SEMA5A: variants seen among roughly 807,000 people sequenced by gnomAD.
The protein encoded by SEMA5A is semaphorin 5A, also known as semaphorin-5A.
SEMA5A carries 55 observed loss-of-function variants against 135.5 expected under a neutral mutation model. The ratio of observed to expected loss-of-function variants is 0.41; its 90% CI spans 0.33 to 0.51. The LOEUF (loss-of-function observed/expected upper bound fraction) is 0.51, where lower values mean the gene tolerates loss of function less well. SEMA5A is among the 20% of genes least tolerant of loss of function. SEMA5A has a pLI of 0.37. For synonymous variants in SEMA5A, 580 were observed against 546.5 expected, an observed-to-expected ratio of 1.06 and a Z score of -0.85; for missense variants, 1,290 against 1,419.9, an observed-to-expected ratio of 0.91 and a Z score of 1.47.
At chr5:9,499,255 G>A (rs1735461889) in intron 1 of SEMA5A, among the ~76,000 whole-genome samples, 1 of 152,102 alleles carries the variant, frequency 6.6e-6, no homozygotes, top group Admixed American at 6.5e-5. Flanking sequence ...AATTTTTTAA[G>A]GAAAAACATC....
chr5:9,529,173 A>T (rs1579691990), intron 1 of SEMA5A, among the ~76,000 whole-genome samples: 1 of 152,224 alleles, frequency 6.6e-6, no homozygotes, highest in South Asian at 2.1e-4. Flanking sequence ...AGGAACTGCC[A>T]CCCAACTGTG....
At chr5:9,174,263 G>A (rs1285053198) in intron 11 of SEMA5A, among the ~76,000 whole-genome samples, 7 of 152,174 alleles carry the variant, frequency 4.6e-5, no homozygotes, top group African/African-American at 1.2e-4. Context: ...GATTTGAGGC[G>A]AGTTTTTTTC....
At position 9,303,541 on chromosome 5, in the gene SEMA5A, C is replaced by T. The variant is rs368750003; in HGVS notation, c.270+14831G>A. Among the ~76,000 whole-genome samples, 240 of 152,054 alleles carry T rather than the reference C, an allele frequency of 1.6e-3. 2 individuals are homozygous for T. The highest frequency in any genetic ancestry group is 5.6e-3 in the African/African-American group (232 of 41,478). On this transcript the variant is annotated intron_variant, in intron 5 of 22. Transcript: ENST00000382496. ...CACATAGATACATGTTTCTTTGTAG[C>T]ATACATTTATGTTTCTAGGAGGTAT...
At chr5:9,314,254 T>G (rs1752293365) in intron 5 of SEMA5A, among the ~76,000 whole-genome samples, 1 of 152,010 alleles carries the variant, frequency 6.6e-6, no homozygotes, top group Non-Finnish European at 1.5e-5. Flanking sequence ...ACTTATTATC[T>G]AAAACTGTGT....
intron 4 of SEMA5A, among the ~76,000 whole-genome samples, chr5:9,325,238 C>CTT (rs10710962): frequency 4.8e-5 from 7 of 145,240 alleles, no homozygotes; most frequent in Non-Finnish European, 1.1e-4. Flanking sequence ...TATGGATCTA[C>CTT]TTTTTTTTTT....
intron 4 of SEMA5A, among the ~76,000 whole-genome samples, chr5:9,323,657 CTTTT>C (rs35243676): frequency 9.2e-6 from 1 of 108,948 alleles, no homozygotes; most frequent in Non-Finnish European, 1.9e-5. Context: ...TCTTTTTTTC[CTTTT>C]TTTTTTTTTT....
intron 5 of SEMA5A, among the ~76,000 whole-genome samples, chr5:9,243,074 T>C (rs1382584873): frequency 1.3e-5 from 2 of 152,206 alleles, no homozygotes. Context: ...TGTTCTCTAA[T>C]TGGGAGTTGA....
At chr5:9,329,370 G>A (rs1003882399) in intron 4 of SEMA5A, among the ~76,000 whole-genome samples, 1 of 152,148 alleles carries the variant, frequency 6.6e-6, no homozygotes, top group African/African-American at 2.4e-5. Context: ...TGAATGAGTG[G>A]GTGTGGCTGT....
chr5:9,359,103 A>G (rs771132485), intron 3 of SEMA5A, among the ~76,000 whole-genome samples: 3 of 151,804 alleles, frequency 2.0e-5, no homozygotes, highest in Non-Finnish European at 4.4e-5. Flanking sequence ...ACACATACAC[A>G]CTCACGGACA....
intron 2 of SEMA5A, among the ~76,000 whole-genome samples, chr5:9,406,903 A>T (rs1756907544): frequency 6.6e-6 from 1 of 152,214 alleles, no homozygotes; most frequent in Non-Finnish European, 1.5e-5. Context: ...TGGAAAATGG[A>T]AAATTAAGAG....
chr5:9,370,666 T>A (rs1228519441), intron 3 of SEMA5A, among the ~76,000 whole-genome samples: 1 of 152,184 alleles, frequency 6.6e-6, no homozygotes, highest in Non-Finnish European at 1.5e-5. Context: ...TAAATAAGAT[T>A]TGGAAACCTT....
At position 9,129,155 on chromosome 5, in the gene SEMA5A, G is replaced by A. The variant is rs145465678; in HGVS notation, c.1600-6318C>T. ...AGAAAGGCACAGGGAAATAGAGGAAGAACTTGAAATAAGTGATGGCTAATG... is the reference window on the plus strand; with the variant it reads ...AGAAAGGCACAGGGAAATAGAGGAAAAACTTGAAATAAGTGATGGCTAATG... On this transcript the variant is annotated intron_variant, in intron 13 of 22. Transcript: ENST00000382496. Among the ~76,000 whole-genome samples, 621 of 152,308 alleles carry A rather than the reference G, an allele frequency of 4.1e-3. 3 individuals are homozygous for A. The highest frequency in any genetic ancestry group is 0.014 in the African/African-American group (601 of 41,556).
rs1047241765 is a variant in SEMA5A, at chr5:9,427,901, C to T, written c.-78+9855G>A. Among the ~76,000 whole-genome samples the T allele has an allele frequency of 8.5e-5, 13 of 152,102 alleles. 1 individual carries two copies. The highest frequency in any genetic ancestry group is 3.1e-4 in the African/African-American group (13 of 41,492). ...TAGATTTCAGAGATTTTAACCCTGCCTTAGTGCACCTAATGCAGTAGGGTT... is the reference window on the plus strand; with the variant it reads ...TAGATTTCAGAGATTTTAACCCTGCTTTAGTGCACCTAATGCAGTAGGGTT... On this transcript the variant is annotated intron_variant, in intron 2 of 22. Transcript: ENST00000382496.
chr5:9,221,995 C>T (rs1048086517), intron 8 of SEMA5A, among the ~76,000 whole-genome samples: 4 of 152,122 alleles, frequency 2.6e-5, no homozygotes, highest in Admixed American at 2.6e-4. Flanking sequence ...CCCTTTCTAC[C>T]ACAGGACGAT....
chr5:9,511,175 T>A (rs1263099543), intron 1 of SEMA5A, among the ~76,000 whole-genome samples: 1 of 152,088 alleles, frequency 6.6e-6, no homozygotes, highest in African/African-American at 2.4e-5. Flanking sequence ...ACTCTTGGAG[T>A]GATGAATTTT....
rs116159983 is a variant in SEMA5A at position 9,455,177 on chromosome 5, G to T, written c.-174-17325C>A. Reference sequence around the variant, plus strand: ...TGTCCCTGAAGCTGAGTGAACTGCAGACTAACGGCACCTCTGTCTGAGTTT... The same window carrying T: ...TGTCCCTGAAGCTGAGTGAACTGCATACTAACGGCACCTCTGTCTGAGTTT... On this transcript the variant is annotated intron_variant, in intron 1 of 22. Coordinates refer to ENST00000382496, the MANE Select transcript of SEMA5A (RefSeq NM_003966.3). Among the ~76,000 whole-genome samples, 529 of 152,286 alleles carry T rather than the reference G, an allele frequency of 3.5e-3. 4 individuals carry two copies. The highest frequency in any genetic ancestry group is 0.012 in the African/African-American group (495 of 41,544).
At chr5:9,200,822 T>A (rs1357064270) in intron 9 of SEMA5A, among the ~76,000 whole-genome samples, 2 of 152,140 alleles carry the variant, frequency 1.3e-5, no homozygotes, top group Non-Finnish European at 2.9e-5. Flanking sequence ...TGGGCAGGCA[T>A]CTGATGCCCA....
chr5:9,101,172 C>G (rs943677668), intron 16 of SEMA5A, among the ~76,000 whole-genome samples: 1 of 152,180 alleles, frequency 6.6e-6, no homozygotes, highest in Admixed American at 6.5e-5. Context: ...CTAGATACAA[C>G]AAACTTCTAT....
At chr5:9,351,608 G>T (rs1337810789) in intron 3 of SEMA5A, among the ~76,000 whole-genome samples, 1 of 151,988 alleles carries the variant, frequency 6.6e-6, no homozygotes, top group African/African-American at 2.4e-5. Context: ...ATTTTATTGA[G>T]CAATTAACAC....
Sources: gnomAD v4.1 joint callset for allele counts (sites outside exome capture counted in the v4.1 genomes callset) on GRCh38, gnomAD v4.1.1 for gene constraint, MANE v1.5 for transcripts, NCBI Gene and HGNC (gene_info 2026-07-23, HGNC 2026-07-21) for gene names.